ST3GAL4: variants seen among roughly 807,000 people sequenced by gnomAD.
ST3GAL4 encodes ST3 beta-galactoside alpha-2,3-sialyltransferase 4.
ST3GAL4 carries 24 observed loss-of-function variants against 42.6 expected under a neutral mutation model. The ratio of observed to expected loss-of-function variants is 0.56; its 90% confidence interval spans 0.41 to 0.79. The LOEUF is 0.79. Ranked by LOEUF, ST3GAL4 falls within the 30% of genes least tolerant of loss-of-function variation. The pLI is 0.00. For missense variants in ST3GAL4, 311 were observed against 430.8 expected (o/e 0.72, Z 2.46); for synonymous variants, 135 against 163.2 (o/e 0.83, Z 1.32).
In ST3GAL4 at chr11:126,397,160, A is replaced by C. The variant is rs1273795459; in HGVS notation, c.-60-8936A>C. On this transcript the variant is annotated intron_variant, in intron 1 of 10. Coordinates refer to ENST00000444328, the MANE Select transcript of ST3GAL4 (RefSeq NM_001254757.2). The surrounding 1 kb of genome is among the most constrained non-coding windows in gnomAD (Gnocchi z 5.0). ...CAGTTGTTAGTGGAACATGCAATAC[A>C]TCTTTATTCACATGTTATTACTTAT... 6.6e-6 allele frequency among the ~76,000 whole-genome samples: 1 copy of C among 152,120 alleles called. No individual in the cohort carries two copies.
At position 126,406,290 on chromosome 11, in the gene ST3GAL4, CT is replaced by C. The variant is rs1954226147; in HGVS notation, c.16+121del. 6.5e-7 allele frequency: 1 copy of C among 1,544,920 alleles called. No homozygotes were observed. Among genetic ancestry groups the C allele is most frequent in the Non-Finnish European group, 8.7e-7 (1 of 1,144,480 alleles). ...CAGACAGGGAGCCAGGGGCCCTTCT[CT>C]TCATCTTGAAGGACAGTGGGTACAA... is the stretch of plus-strand genomic sequence containing the variant. On this transcript the variant is annotated intron_variant, in intron 2 of 10. Transcript: ENST00000444328. The surrounding 1 kb of genome is among the most constrained non-coding windows in gnomAD (Gnocchi z 5.4).
intron 1 of ST3GAL4, among the ~76,000 whole-genome samples, chr11:126,360,182 A>G (rs1952198844): frequency 6.6e-6 from 1 of 152,196 alleles, no homozygotes. Context: ...GATTCCTGGC[A>G]GGAGAGAATT....
chr11:126,406,221 C>T lies in ST3GAL4; in HGVS notation c.16+50C>T. 1 of 1,553,238 alleles carries T rather than the reference C, an allele frequency of 6.4e-7. No individual in the cohort carries two copies. Among genetic ancestry groups the T allele is most frequent in the Non-Finnish European group, 8.7e-7 (1 of 1,148,552 alleles). ...CACCCTGGAGGACAGGCCTCAGAAG[C>T]CGTCTTCAGCAGGATCCTGGGACCT... On this transcript the variant is annotated intron_variant, in intron 2 of 10. Transcript: ENST00000444328. This position sits in a 1 kb window ranked among gnomAD's most constrained non-coding sequence, Gnocchi z 5.4.
Position 126,408,100 on chromosome 11 carries a change from C to G in ST3GAL4, c.343C>G (p.Leu115Val), listed in dbSNP as rs1325522880. ...AGACCACTCCTCTTTCTATGGCAGC[C>G]TCAGGTGCCGCCGCTGTGTGGTCGT... The part of the protein sequence containing the change: ...SSSIPKNIQS[L>V]RCRRCVVVGN... The change falls in exon 7 of 11, where the codon CTC becomes GTC. Residue 115 changes from leucine to valine, a missense_variant and splice_region_variant. By Grantham distance (32) the Leu-to-Val change is conservative. Transcript: ENST00000444328. 1 of 1,613,500 alleles carries G rather than the reference C, an allele frequency of 6.2e-7. No homozygotes were observed. The highest frequency in any genetic ancestry group is 2.2e-5 in the East Asian group (1 of 44,854).
In ST3GAL4 at chr11:126,373,305, G is replaced by A. The variant is rs559258224; in HGVS notation, c.-61+17463G>A. Among the ~76,000 whole-genome samples the A allele has an allele frequency of 6.6e-6, 1 of 152,190 alleles. No homozygotes were observed. The highest frequency in any genetic ancestry group is 2.4e-5 in the African/African-American group (1 of 41,444). ...ATTTTGCCTTTAACTTCAGATCCTT[G>A]GGGTGGGTGCATTGCTTCTCCTGGG... is the stretch of plus-strand genomic sequence containing the variant. On this transcript the variant is annotated intron_variant, in intron 1 of 10. Transcript: ENST00000444328. The surrounding 1 kb of genome is among the most constrained non-coding windows in gnomAD (Gnocchi z 5.5).
intron 1 of ST3GAL4, among the ~76,000 whole-genome samples, chr11:126,374,722 C>A (rs1172977441): frequency 6.6e-6 from 1 of 152,096 alleles, no homozygotes; most frequent in African/African-American, 2.4e-5. Flanking sequence ...CGGGCTCTCC[C>A]CGTAAGTGAG....
chr11:126,387,753 C>A (rs1393695071), intron 1 of ST3GAL4, among the ~76,000 whole-genome samples: 1 of 148,866 alleles, frequency 6.7e-6, no homozygotes, highest in Admixed American at 6.6e-5. Context: ...AGACCTCTGA[C>A]CCCCAGGACT....
chr11:126,414,238 CAG>C lies in ST3GAL4; in HGVS notation c.*192_*193del. ...TGCTCTTATGGAGCCGAGATCCAGT[CAG>C]GGTGGGGGCGCTGGAGCCGTGGGAG... On this transcript the variant is annotated 3_prime_UTR_variant, in exon 11 of 11. Transcript: ENST00000444328. 1 of 622,096 alleles carries C rather than the reference CAG, an allele frequency of 1.6e-6. No individual in the cohort carries two copies. Among genetic ancestry groups the C allele is most frequent in the East Asian group, 2.8e-5 (1 of 35,932 alleles). 38.5% of individuals were successfully genotyped at this position (622,096 alleles called of 1,614,324 possible).
chr11:126,389,035 C>T (rs1164669738), intron 1 of ST3GAL4, among the ~76,000 whole-genome samples: 4 of 152,056 alleles, frequency 2.6e-5, no homozygotes, highest in South Asian at 4.1e-4. Context: ...GCCTCAGTCT[C>T]CCACAGTGCT....
At position 126,392,966 on chromosome 11, in the gene ST3GAL4, T is replaced by TTC. The variant is rs1953575222; in HGVS notation, c.-60-13129_-60-13128insCT. Among the ~76,000 whole-genome samples the TTC allele has an allele frequency of 6.6e-6, 1 of 150,418 alleles. No individual in the cohort carries two copies. On this transcript the variant is annotated intron_variant, in intron 1 of 10. Transcript: ENST00000444328. The surrounding 1 kb of genome is among the most constrained non-coding windows in gnomAD (Gnocchi z 5.8). ...AACACGACCAACTCCTGTTCTTTTTTTTTTTTTTTTTTGAGACAGGCTAGA... is the reference window on the plus strand; with the variant it reads ...AACACGACCAACTCCTGTTCTTTTTTTCTTTTTTTTTTTTGAGACAGGCTAGA...
At position 126,411,219 on chromosome 11, in the gene ST3GAL4, C is replaced by T. The variant is rs1297036186; in HGVS notation, c.771+1808C>T. On this transcript the variant is annotated intron_variant, in intron 9 of 10. Transcript: ENST00000444328. The surrounding 1 kb of genome is among the most constrained non-coding windows in gnomAD (Gnocchi z 6.3). ...GGAGTGCAGTGGGGTGATCTTGGCTCACTGCAACCTCTGCCTCCCAGGTTC... is the reference window on the plus strand; with the variant it reads ...GGAGTGCAGTGGGGTGATCTTGGCTTACTGCAACCTCTGCCTCCCAGGTTC... Among the ~76,000 whole-genome samples the T allele has an allele frequency of 6.6e-6, 1 of 151,812 alleles. No homozygotes were observed. Among genetic ancestry groups the T allele is most frequent in the African/African-American group, 2.4e-5 (1 of 41,302 alleles).
intron 10 of ST3GAL4, 123 bp downstream of exon 10, chr11:126,413,771 C>T (rs145560099): frequency 1.8e-5 from 26 of 1,482,262 alleles, no homozygotes; most frequent in East Asian, 9.3e-5. Flanking sequence ...GAACTGGAAC[C>T]GAGGCACCTG....
At chr11:126,403,443 TGTAGTGTTTCCCGCCC>T (rs1954095648) in intron 1 of ST3GAL4, 1 of 985,426 alleles carries the variant, frequency 1.0e-6, no homozygotes, top group Non-Finnish European at 1.2e-6. Context: ...ATGAGCTCTT[TGTAGTGTTTCCCGCCC>T]AGGCTGCATT....
chr11:126,382,064 T>C (rs1953025844), intron 1 of ST3GAL4, among the ~76,000 whole-genome samples: 1 of 152,134 alleles, frequency 6.6e-6, no homozygotes, highest in South Asian at 2.1e-4. Flanking sequence ...CCCCACTCTG[T>C]GACCAGACGT....
rs1952178540 is a variant in ST3GAL4, at chr11:126,359,630, T to C, written c.-61+3788T>C. Among the ~76,000 whole-genome samples the C allele has an allele frequency of 6.6e-6, 1 of 152,120 alleles. No homozygotes were observed. The highest frequency in any genetic ancestry group is 1.5e-5 in the Non-Finnish European group (1 of 68,034). ...TGGAACACAAACCCTGACCTCTGAG[T>C]GCTCTCCCGAACCCCACATCCCGGC... On this transcript the variant is annotated intron_variant, in intron 1 of 10. Transcript: ENST00000444328. This position sits in a 1 kb window ranked among gnomAD's most constrained non-coding sequence, Gnocchi z 4.8.
At position 126,359,881 on chromosome 11, in the gene ST3GAL4, G is replaced by A. The variant is rs1366630102; in HGVS notation, c.-61+4039G>A. 6.6e-6 allele frequency among the ~76,000 whole-genome samples: 1 copy of A among 152,254 alleles called. No homozygotes were observed. Among genetic ancestry groups the A allele is most frequent in the African/African-American group, 2.4e-5 (1 of 41,468 alleles). ...TGGAAATGTGGCTGCCGCCCACATG[G>A]CTGCAAGGCAACCACGGCCACACGT... On this transcript the variant is annotated intron_variant, in intron 1 of 10. Transcript: ENST00000444328. This position sits in a 1 kb window ranked among gnomAD's most constrained non-coding sequence, Gnocchi z 4.8.
Position 126,409,534 on chromosome 11 carries a change from C to G in ST3GAL4, c.771+123C>G. ...AGAGGCGGCGGTTTGCATTTTCCCT[C>G]CAGGAACACACCTGTCATTAAAGTT... On this transcript the variant is annotated intron_variant, in intron 9 of 10. Coordinates refer to ENST00000444328, the MANE Select transcript of ST3GAL4 (RefSeq NM_001254757.2). This position sits in a 1 kb window ranked among gnomAD's most constrained non-coding sequence, Gnocchi z 4.9. 7.6e-7 allele frequency: 1 copy of G among 1,322,608 alleles called. No individual in the cohort carries two copies. 81.9% of individuals were successfully genotyped at this position (1,322,608 alleles called of 1,614,324 possible).
chr11:126,369,662 T>A (rs1371907803), intron 1 of ST3GAL4, among the ~76,000 whole-genome samples: 1 of 152,232 alleles, frequency 6.6e-6, no homozygotes, highest in Non-Finnish European at 1.5e-5. Flanking sequence ...GTGTGAGACT[T>A]CAACATTTAC....
Position 126,384,699 on chromosome 11 carries a change from C to T in ST3GAL4, c.-60-21397C>T, listed in dbSNP as rs1953149999. ...CTCCCTAGGGGCCTCCTCCCCCTCC[C>T]CTTCTGCATGCCACCACACCCCAGC... On this transcript the variant is annotated intron_variant, in intron 1 of 10. Coordinates refer to ENST00000444328, the MANE Select transcript of ST3GAL4 (RefSeq NM_001254757.2). This position sits in a 1 kb window ranked among gnomAD's most constrained non-coding sequence, Gnocchi z 5.5. 1.0e-6 allele frequency: 1 copy of T among 985,288 alleles called. No individual in the cohort carries two copies. The highest frequency in any genetic ancestry group is 1.7e-5 in the African/African-American group (1 of 57,224). The allele number at this position is 985,288 out of a possible 1,614,324, so 61.0% of individuals were successfully genotyped here. A position where few individuals can be genotyped will look rare whatever the true frequency, so the allele number is the denominator to read the frequency against.
Sources: gnomAD v4.1 joint callset for allele counts (sites outside exome capture counted in the v4.1 genomes callset) on GRCh38, gnomAD v4.1.1 for gene constraint, Gnocchi (gnomAD v3.1) non-coding constraint, MANE v1.5 for transcripts, NCBI Gene and HGNC (gene_info 2026-07-23, HGNC 2026-07-21) for gene names.